The following KRABD3 variants were observed in gnomAD, a reference collection of about 807,000 sequenced individuals.
KRABD3 encodes KRAB domain-containing protein 3.
At chr7:149,727,126 C>T in the KRABD3 span, among the ~76,000 whole-genome samples, 3 of 152,118 alleles carry the variant, frequency 2.0e-5, no homozygotes, top group Non-Finnish European at 4.4e-5. Context: ...TCCAGCATCC[C>T]CTCTTGGCCT....
At chr7:149,715,940 C>T in the KRABD3 span, among the ~76,000 whole-genome samples, 2 of 152,238 alleles carry the variant, frequency 1.3e-5, no homozygotes, top group East Asian at 3.8e-4. Context: ...CCACAGTTTC[C>T]TGTTCTGTAA....
chr7:149,731,502 G>C, the KRABD3 span, among the ~76,000 whole-genome samples: 1 of 152,324 alleles, frequency 6.6e-6, no homozygotes, highest in South Asian at 2.1e-4. Flanking sequence ...CACGCACCGC[G>C]GCGGGCCCTG....
the KRABD3 span, chr7:149,729,464 C>T: frequency 2.6e-4 from 334 of 1,288,014 alleles, no homozygotes; most frequent in Middle Eastern, 2.0e-3. Flanking sequence ...TCTGTTTCTT[C>T]CCCATCTCTC....
chr7:149,714,968 C>T, the KRABD3 span: 4 of 1,132,590 alleles, frequency 3.5e-6, no homozygotes, highest in Admixed American at 8.9e-5. Context: ...CCTGCGCGGA[C>T]CTGGGCCGCC....
chr7:149,731,220 G>C, the KRABD3 span, among the ~76,000 whole-genome samples: 1 of 152,210 alleles, frequency 6.6e-6, no homozygotes, highest in Admixed American at 6.5e-5. Context: ...ATGGTCAGGG[G>C]AGGGAGCTCT....
chr7:149,717,561 C>G, the KRABD3 span, among the ~76,000 whole-genome samples: 1 of 152,246 alleles, frequency 6.6e-6, no homozygotes, highest in African/African-American at 2.4e-5. Flanking sequence ...GGGCCAGAGC[C>G]ACAGAGGTTT....
the KRABD3 span, chr7:149,724,748 C>G: frequency 6.4e-7 from 1 of 1,561,500 alleles, no homozygotes; most frequent in Non-Finnish European, 8.7e-7. Flanking sequence ...CAGAGCCCCC[C>G]AGGACCTGCA....
the KRABD3 span, among the ~76,000 whole-genome samples, chr7:149,727,677 T>A: frequency 1.3e-5 from 2 of 152,234 alleles, 1 homozygote; most frequent in South Asian, 4.1e-4. Flanking sequence ...GCTTCATGTG[T>A]TCTGCCTGGG....
the KRABD3 span, among the ~76,000 whole-genome samples, chr7:149,718,649 G>A: frequency 6.6e-6 from 1 of 150,700 alleles, no homozygotes; most frequent in Admixed American, 6.6e-5. Flanking sequence ...CTCCTGAGTA[G>A]CTGAGATTAC....
chr7:149,725,529 C>T, the KRABD3 span: 7 of 1,547,116 alleles, frequency 4.5e-6, no homozygotes, highest in East Asian at 2.3e-5. Context: ...TGTCCCTGAG[C>T]GTGGCAGCGG....
At chr7:149,723,913 G>A in the KRABD3 span, 5 of 1,610,764 alleles carry the variant, frequency 3.1e-6, no homozygotes, top group Non-Finnish European at 4.2e-6. Context: ...GCTGGGCTGG[G>A]AGGGCCCCCA....
At chr7:149,729,823 G>T in the KRABD3 span, 2 of 985,438 alleles carry the variant, frequency 2.0e-6, no homozygotes, top group Non-Finnish European at 2.4e-6. Context: ...GGGGTGCAGG[G>T]ATGGCACCTG....
At chr7:149,720,401 C>T in the KRABD3 span, among the ~76,000 whole-genome samples, 11 of 152,242 alleles carry the variant, frequency 7.2e-5, no homozygotes, top group East Asian at 3.9e-4. Flanking sequence ...CCCTGCAGAA[C>T]CTGCTCCAGC....
chr7:149,718,760 C>G, the KRABD3 span, among the ~76,000 whole-genome samples: 1 of 152,200 alleles, frequency 6.6e-6, no homozygotes, highest in Non-Finnish European at 1.5e-5. Flanking sequence ...GGTGATCTGT[C>G]TGCCTTGGCC....
At chr7:149,724,016 C>T in the KRABD3 span, 47 of 990,426 alleles carry the variant, frequency 4.7e-5, no homozygotes, top group Admixed American at 2.1e-4. Flanking sequence ...GAAGAGGATC[C>T]GGATGCGGGG....
chr7:149,730,260 C>CCCGGCT, the KRABD3 span: 4 of 1,556,112 alleles, frequency 2.6e-6, no homozygotes, highest in South Asian at 4.7e-5. Flanking sequence ...CAGCCCCAGC[C>CCCGGCT]CCGGCTCCAG....
At chr7:149,719,480 G>T in the KRABD3 span, 1 of 1,497,068 alleles carries the variant, frequency 6.7e-7, no homozygotes. The surrounding 1 kb of genome is among the most constrained non-coding windows in gnomAD (Gnocchi z 5.6). Flanking sequence ...GTTACCAAGT[G>T]CAGGGACAGC....
the KRABD3 span, chr7:149,722,745 G>T: frequency 1.3e-6 from 2 of 1,572,042 alleles, no homozygotes; most frequent in South Asian, 1.2e-5. Context: ...GTCCCGTCAG[G>T]ACTGCACTGA....
the KRABD3 span, among the ~76,000 whole-genome samples, chr7:149,726,561 C>T: frequency 6.6e-6 from 1 of 152,016 alleles, no homozygotes; most frequent in Non-Finnish European, 1.5e-5. Context: ...CCACAGTCTC[C>T]CGAGTAGCTG....
Sources: allele counts gnomAD v4.1 joint callset (sites outside exome capture counted in the v4.1 genomes callset), GRCh38; gene constraint gnomAD v4.1.1; non-coding constraint Gnocchi (gnomAD v3.1); transcripts MANE v1.5; gene names NCBI Gene and HGNC (gene_info 2026-07-23, HGNC 2026-07-21).